The following CUL9 variants were observed in gnomAD, a reference collection of about 807,000 sequenced individuals.
CUL9 encodes cullin-9.
In CUL9, 79 loss-of-function variants were observed where a neutral mutation model predicts 272.6. The ratio of observed to expected loss-of-function variants is 0.29; its 90% CI spans 0.24 to 0.35. CUL9 has a LOEUF of 0.35. Among genes scored for constraint, CUL9 ranks in the 10% least tolerant of loss-of-function variants. The pLI is 1.00. For missense variants in CUL9, 2,532 were observed against 3,255.6 expected (o/e 0.78, Z 5.41); for synonymous variants, 1,186 against 1,286.5 (o/e 0.92, Z 1.67).
chr6:43,201,533 A>G (rs1201817655), intron 16 of CUL9, among the ~76,000 whole-genome samples: 3 of 152,126 alleles, frequency 2.0e-5, no homozygotes, highest in Admixed American at 6.6e-5. Flanking sequence ...AGGCTGGAGT[A>G]CAGTGGTGTG....
rs1774299173 is a variant in CUL9 at position 43,199,136 on chromosome 6, A to G, written c.3051-130A>G. On this transcript the variant is annotated intron_variant, in intron 12 of 40. Transcript: ENST00000252050. The surrounding 1 kb of genome is among the most constrained non-coding windows in gnomAD (Gnocchi z 4.4). ...TTTTTAGTAGAGATGGGGTTTCTCC[A>G]TTTTGGTCAGGCTGGTCTCGAACTC... The G allele has an allele frequency of 1.2e-6, 1 of 811,744 alleles. No homozygotes were observed. The highest frequency in any genetic ancestry group is 2.1e-5 in the Admixed American group (1 of 47,092). 50.3% of individuals were successfully genotyped at this position (811,744 alleles called of 1,614,324 possible). A position where few individuals can be genotyped will look rare whatever the true frequency, so the allele number is the denominator to read the frequency against.
At position 43,216,464 on chromosome 6, in the gene CUL9, C is replaced by A. The variant is rs373348071; in HGVS notation, c.6243C>A (p.Asp2081Glu). The A allele has an allele frequency of 6.2e-7, 1 of 1,603,572 alleles. No individual in the cohort carries two copies. Among genetic ancestry groups the A allele is most frequent in the South Asian group, 1.1e-5 (1 of 90,756 alleles). ...GTGTGAGCCCCCTGGGGTGTGACGA[C>A]GACCTGCCCTCTCTCTGCTGCATGC... ...PVCVSPLGCD[D>E]DLPSLCCMHY... Residue 2081 changes from aspartate (D) to glutamate (E), a missense_variant, in exon 31 of 41, where the codon GAC (aspartate) becomes GAA (glutamate). Around this residue, in one of 3 missense-constraint regions of CUL9, gnomAD observed 2,218 missense variants for 2,788.6 expected, o/e 0.80. Coordinates refer to ENST00000252050, the MANE Select transcript of CUL9 (RefSeq NM_015089.4).
intron 26 of CUL9, among the ~76,000 whole-genome samples, chr6:43,208,904 G>A (rs1193524368): frequency 6.6e-6 from 1 of 152,014 alleles, no homozygotes; most frequent in African/African-American, 2.4e-5. Context: ...GCAGTGTCAC[G>A]ATCTCAGGTG....
intron 16 of CUL9, 152 bp from the exon 17 acceptor site, chr6:43,202,564 C>T (rs1008431027): frequency 9.6e-6 from 6 of 628,158 alleles, no homozygotes; most frequent in South Asian, 5.6e-5. Flanking sequence ...ATTTTTATTT[C>T]GTAGAGGTGG....
chr6:43,187,448 G>C lies in CUL9; in HGVS notation c.1581+9G>C. The C allele has an allele frequency of 1.9e-6, 3 of 1,613,262 alleles. No homozygotes were observed. The highest frequency in any genetic ancestry group is 2.5e-6 in the Non-Finnish European group (3 of 1,179,504). On this transcript the variant is annotated intron_variant, in intron 6 of 40. Transcript: ENST00000252050. ...GGAAGAACCTGGATGAGGTATTATA[G>C]GTCTGAGATACCTGGGGGTTTTCTA...
At position 43,203,780 on chromosome 6, in the gene CUL9, C is replaced by CG; in HGVS notation, c.4026-74_4026-73insG. On this transcript the variant is annotated intron_variant, in intron 19 of 40. Coordinates refer to ENST00000252050, the MANE Select transcript of CUL9 (RefSeq NM_015089.4). This position sits in a 1 kb window ranked among gnomAD's most constrained non-coding sequence, Gnocchi z 5.0. ...GGGACCGAACAGGGGTGATTGGGAG[C>CG]TGATCTGCACTTGAATGGAGGCCTC... 1 of 1,542,192 alleles carries CG rather than the reference C, an allele frequency of 6.5e-7. No individual in the cohort carries two copies.
At chr6:43,192,840 T>C (rs1261518019) in intron 8 of CUL9, among the ~76,000 whole-genome samples, 161 bp from the exon 9 acceptor site, 1 of 151,902 alleles carries the variant, frequency 6.6e-6, no homozygotes, top group African/African-American at 2.4e-5. Context: ...GGGGAGGGGA[T>C]TGGGGTGAGA....
intron 26 of CUL9, among the ~76,000 whole-genome samples, chr6:43,211,198 G>A (rs932894810): frequency 1.3e-5 from 2 of 152,240 alleles, no homozygotes; most frequent in Admixed American, 1.3e-4. Context: ...TTGCCACCAT[G>A]CCAATTGCTT....
chr6:43,219,538 A>G (rs1382367596), intron 31 of CUL9, among the ~76,000 whole-genome samples: 6 of 152,082 alleles, frequency 3.9e-5, no homozygotes, highest in Non-Finnish European at 7.4e-5. Context: ...GGTTTGTTTC[A>G]ATGCAGAAAG....
chr6:43,198,901 G>A (rs1411089223), intron 12 of CUL9, 46 bp downstream of exon 12: 1 of 1,589,588 alleles, frequency 6.3e-7, no homozygotes, highest in African/African-American at 1.3e-5. Flanking sequence ...AGGGAAACTG[G>A]CAGACTTCAG....
At position 43,204,529 on chromosome 6, in the gene CUL9, C is replaced by A; in HGVS notation, c.4329C>A (p.Ser1443=). Residue 1443 remains serine (S), a synonymous_variant, in exon 21 of 41, where the codon TCC becomes TCA. Coordinates refer to ENST00000252050, the MANE Select transcript of CUL9 (RefSeq NM_015089.4). ...CTCCTGGGCCTTCTCCTGAGCCATCCACTCGGCCCTGTAAGTCCCAGCTGT... is the reference window on the plus strand; with the variant it reads ...CTCCTGGGCCTTCTCCTGAGCCATCAACTCGGCCCTGTAAGTCCCAGCTGT... ...EPPPGPSPEP[S]TRPFSKNSKG... is the part of the protein sequence containing the mutation. 6.2e-7 allele frequency: 1 copy of A among 1,614,102 alleles called. No individual in the cohort carries two copies. Among genetic ancestry groups the A allele is most frequent in the Non-Finnish European group, 8.5e-7 (1 of 1,180,040 alleles).
rs1451609162 is a variant in CUL9 at position 43,199,164 on chromosome 6, G to A, written c.3051-102G>A. 11 of 979,968 alleles carry A rather than the reference G, an allele frequency of 1.1e-5. No homozygotes were observed. Among genetic ancestry groups the A allele is most frequent in the African/African-American group, 6.4e-5 (4 of 62,568 alleles). The allele number at this position is 979,968 out of a possible 1,614,324, so 60.7% of individuals were successfully genotyped here. ...TTGGTCAGGCTGGTCTCGAACTCCC[G>A]ACCTCAGGTGATCCGCCCACTTCGG... On this transcript the variant is annotated intron_variant, in intron 12 of 40. Coordinates refer to ENST00000252050, the MANE Select transcript of CUL9 (RefSeq NM_015089.4). This position sits in a 1 kb window ranked among gnomAD's most constrained non-coding sequence, Gnocchi z 4.4.
At position 43,199,942 on chromosome 6, in the gene CUL9, T is replaced by A; in HGVS notation, c.3170T>A (p.Leu1057Gln). ...CTCTGGGCTCAGATTGTTCAGGAGC[T>A]GACCTGCTTCCTACATCGCCTGGCC... ...PSSDSEIVQE[L>Q]TCFLHRLASM... The change falls in exon 14 of 41, where the codon CTG becomes CAG. Residue 1057 changes from leucine to glutamine, a missense_variant. Physicochemically the swap from Leu to Gln is moderately radical, Grantham distance 113 (BLOSUM62 -2). Coordinates refer to ENST00000252050, the MANE Select transcript of CUL9 (RefSeq NM_015089.4). The surrounding 1 kb of genome is among the most constrained non-coding windows in gnomAD (Gnocchi z 4.4). The A allele has an allele frequency of 6.2e-7, 1 of 1,614,034 alleles. No individual in the cohort carries two copies. Among genetic ancestry groups the A allele is most frequent in the Non-Finnish European group, 8.5e-7 (1 of 1,179,880 alleles).
intron 9 of CUL9, among the ~76,000 whole-genome samples, chr6:43,194,302 T>C (rs1773797758): frequency 6.6e-6 from 1 of 151,228 alleles, no homozygotes; most frequent in African/African-American, 2.5e-5. Flanking sequence ...TCTCTTTTTT[T>C]TTCTTTTTTC....
At chr6:43,209,205 G>C (rs2150601383) in intron 26 of CUL9, among the ~76,000 whole-genome samples, 1 of 150,520 alleles carries the variant, frequency 6.6e-6, no homozygotes, top group Non-Finnish European at 1.5e-5. Flanking sequence ...GAGTGTAGTG[G>C]CGTGATCTCA....
intron 11 of CUL9, among the ~76,000 whole-genome samples, chr6:43,197,856 T>A (rs1324849367): frequency 6.6e-6 from 1 of 152,226 alleles, no homozygotes; most frequent in African/African-American, 2.4e-5. Context: ...AGAACACTTG[T>A]GCCTGGAAAC....
chr6:43,210,861 C>T (rs1444646231), intron 26 of CUL9, among the ~76,000 whole-genome samples: 3 of 152,082 alleles, frequency 2.0e-5, no homozygotes, highest in African/African-American at 7.2e-5. Context: ...CACCTATATA[C>T]ATATGATTCT....
intron 26 of CUL9, among the ~76,000 whole-genome samples, chr6:43,212,354 T>C (rs1775579447): frequency 6.6e-6 from 1 of 152,216 alleles, no homozygotes; most frequent in African/African-American, 2.4e-5. Flanking sequence ...ATTGCTTAGG[T>C]CTATCATTTC....
At position 43,187,098 on chromosome 6, in the gene CUL9, G is replaced by A. The variant is rs746779096; in HGVS notation, c.1387+3G>A. The A allele has an allele frequency of 2.5e-6, 4 of 1,613,752 alleles. No individual in the cohort carries two copies. The highest frequency in any genetic ancestry group is 2.2e-5 in the South Asian group (2 of 91,066). On this transcript the variant is annotated splice_donor_region_variant and intron_variant, in intron 5 of 40. Transcript: ENST00000252050. ...AGGGGCTACTGTGTTGGGCACAGGT[G>A]AGCCTAAGAGGGGACATGGATAGCA...
Sources: allele counts gnomAD v4.1 joint callset (sites outside exome capture counted in the v4.1 genomes callset), GRCh38; gene constraint gnomAD v4.1.1; regional missense constraint gnomAD v4.1.1; non-coding constraint Gnocchi (gnomAD v3.1); transcripts MANE v1.5; gene names NCBI Gene and HGNC (gene_info 2026-07-23, HGNC 2026-07-21).